The following TNRC18 variants were observed in gnomAD, a reference collection of about 807,000 sequenced individuals.
TNRC18 encodes trinucleotide repeat containing 18.
A neutral mutation model predicts 226.7 loss-of-function variants in TNRC18; 69 were observed. That is an observed-to-expected ratio of 0.30 (90% CI 0.25 to 0.37). TNRC18 has a LOEUF of 0.37. TNRC18 is among the 10% of genes least tolerant of loss of function. The pLI is 1.00. For synonymous variants in TNRC18, 2,449 were observed against 1,927.6 expected (o/e 1.27, Z -7.09); for missense variants, 4,754 against 4,256.6 (o/e 1.12, Z -3.25).
intron 18 of TNRC18, among the ~76,000 whole-genome samples, chr7:5,339,728 T>C (rs992973237): frequency 6.6e-5 from 10 of 151,362 alleles, no homozygotes; most frequent in East Asian, 2.0e-4. Context: ...CGCCACCACA[T>C]CTGGATAATT....
At chr7:5,344,730 C>A (rs1361218115) in intron 18 of TNRC18, among the ~76,000 whole-genome samples, 1 of 152,170 alleles carries the variant, frequency 6.6e-6, no homozygotes, top group Non-Finnish European at 1.5e-5. Flanking sequence ...GCCAGGGGAA[C>A]TCAGAGCCTG....
chr7:5,389,158 CT>C lies in TNRC18; in HGVS notation c.665del (p.Lys222ArgfsTer20). 1 of 1,327,516 alleles carries C rather than the reference CT, an allele frequency of 7.5e-7. No homozygotes were observed. 82.2% of individuals were successfully genotyped at this position (1,327,516 alleles called of 1,614,324 possible). The part of the protein sequence containing the change: ...RGGEPPPLFG[K>X]KDPRARGEEA... ...CCTCGCCCCGGGCGCGCGGGTCCTT[CT>C]TGCCGAAAAGCGGAGGCGGCTCCCC... On this transcript the variant is annotated frameshift_variant, in exon 5 of 30. Coordinates refer to ENST00000430969, the MANE Select transcript of TNRC18 (RefSeq NM_001080495.3). LOFTEE classifies it high-confidence loss of function.
At chr7:5,399,746 G>A (rs752666683) in intron 2 of TNRC18, among the ~76,000 whole-genome samples, 4 of 151,378 alleles carry the variant, frequency 2.6e-5, no homozygotes, top group Non-Finnish European at 4.4e-5. Context: ...CAGCCGGCAC[G>A]ATGGCTCACA....
rs1198778116 is a variant in TNRC18, at chr7:5,421,101, G to A, written c.146C>T (p.Pro49Leu). The A allele has an allele frequency of 1.4e-6, 2 of 1,475,946 alleles. No homozygotes were observed. Among genetic ancestry groups the A allele is most frequent in the Non-Finnish European group, 1.8e-6 (2 of 1,104,516 alleles). 91.4% of individuals were successfully genotyped at this position (1,475,946 alleles called of 1,614,324 possible). ...PASGLPGPLP[P>L]GKYMAGLNLH... is the part of the protein sequence containing the mutation. ...ATTCAGGCCGGCCATGTACTTCCCG[G>A]GCGGCAGCGGGCCGGGCAAGCCCGA... The change falls in exon 2 of 30, where the codon CCC (proline) becomes CTC (leucine). Residue 49 changes from proline to leucine, a missense_variant. Physicochemically the swap from Pro to Leu is moderately conservative, Grantham distance 98. Transcript: ENST00000430969.
At chr7:5,353,505 G>A (rs766163253) in intron 16 of TNRC18, among the ~76,000 whole-genome samples, 13 of 147,482 alleles carry the variant, frequency 8.8e-5, no homozygotes, top group Non-Finnish European at 2.0e-4. Context: ...GTTGCAGTGC[G>A]GCCGAGATCA....
rs770094847 is a variant in TNRC18, at chr7:5,345,708, G to A, written c.5573C>T (p.Pro1858Leu). The change falls in exon 18 of 30, where the codon CCG becomes CTG. Residue 1858 changes from proline to leucine, a missense_variant. Physicochemically the swap from Pro to Leu is moderately conservative, Grantham distance 98. Transcript: ENST00000430969. ...RLGARERALS[P>L]GLEESGLGLL... ...GCCCAGCCCACTCTCCTCCAGGCCC[G>A]GTGACAGGGCCCGCTCCCGGGCACC... 6.1e-5 allele frequency: 95 copies of A among 1,548,858 alleles called. No individual in the cohort carries two copies. Among genetic ancestry groups the A allele is most frequent in the East Asian group, 4.9e-5 (2 of 40,876 alleles).
In TNRC18 at chr7:5,345,517, G is replaced by GGGGGGGGGGGGGCCCCCCCCCC; in HGVS notation, c.5719+44_5719+45insGGGGGGGGGGCCCCCCCCCCCC. 1.1e-5 allele frequency: 4 copies of GGGGGGGGGGGGGCCCCCCCCCC among 377,744 alleles called. 1 individual carries two copies. The highest frequency in any genetic ancestry group is 9.7e-6 in the Non-Finnish European group (2 of 207,166). The allele number at this position is 377,744 out of a possible 1,614,324, so 23.4% of individuals were successfully genotyped here. A position where few individuals can be genotyped will look rare whatever the true frequency, so the allele number is the denominator to read the frequency against. On this transcript the variant is annotated intron_variant, in intron 18 of 29. Coordinates refer to ENST00000430969, the MANE Select transcript of TNRC18 (RefSeq NM_001080495.3). ...CCTGTGGGATGGGGCAATGGCGTCC[G>GGGGGGGGGGGGGCCCCCCCCCC]CCCCTCCCACCCACCCCCACCGCAG...
chr7:5,317,799 AG>A (rs1360636178), intron 24 of TNRC18, among the ~76,000 whole-genome samples: 1 of 151,152 alleles, frequency 6.6e-6, no homozygotes, highest in Non-Finnish European at 1.5e-5. Flanking sequence ...TCGACCACCC[AG>A]GCTCAGGTGA....
rs1164056409 is a variant in TNRC18, at chr7:5,351,823, G to A, written c.5466C>T (p.Asp1822=). The A allele has an allele frequency of 6.3e-7, 1 of 1,585,064 alleles. No individual in the cohort carries two copies. Among genetic ancestry groups the A allele is most frequent in the Non-Finnish European group, 8.6e-7 (1 of 1,166,374 alleles). Residue 1822 remains aspartate, a synonymous_variant, in exon 17 of 30, where the codon GAC becomes GAT. Coordinates refer to ENST00000430969, the MANE Select transcript of TNRC18 (RefSeq NM_001080495.3). ...SFSDSSEESF[D]QDESSEEEDE... is the part of the protein sequence containing the mutation. The stretch of plus-strand genomic sequence containing the variant: ...TTTGTGTTTGGAGCTAGTAACCTTG[G>A]TCAAACGATTCCTCCGAAGAGTCGC...
At chr7:5,318,527 C>T (rs1161469368) in intron 24 of TNRC18, among the ~76,000 whole-genome samples, 3 of 152,058 alleles carry the variant, frequency 2.0e-5, no homozygotes, top group Non-Finnish European at 4.4e-5. Context: ...AGTTGTGCTA[C>T]AAGTAGAGCT....
rs1462551981 is a variant in TNRC18 at position 5,423,661 on chromosome 7, C to G, written c.-464G>C. 1.3e-5 allele frequency: 2 copies of G among 151,948 alleles called. No homozygotes were observed. The highest frequency in any genetic ancestry group is 4.8e-5 in the African/African-American group (2 of 41,384). The allele number at this position is 151,948 out of a possible 1,614,324, so 9.4% of individuals were successfully genotyped here. ...CGGCGCGCCAACTCCTCCGCCCTCC[C>G]GCGGCCCGGCTCCCGCAGCCCCCGG... On this transcript the variant is annotated 5_prime_UTR_variant, in exon 1 of 30. Transcript: ENST00000430969.
intron 2 of TNRC18, among the ~76,000 whole-genome samples, chr7:5,399,412 G>C (rs117837085): frequency 6.6e-6 from 1 of 152,144 alleles, no homozygotes; most frequent in African/African-American, 2.4e-5. Flanking sequence ...ACCAATGACC[G>C]TCAAAACCTA....
chr7:5,325,304 C>A (rs1562494431), intron 19 of TNRC18, 56 bp from the exon 20 acceptor site: 1 of 1,524,100 alleles, frequency 6.6e-7, no homozygotes, highest in Non-Finnish European at 8.8e-7. Flanking sequence ...GCACAGGCAG[C>A]ACCCCTGTCC....
At chr7:5,335,821 G>A (rs1790040909) in intron 18 of TNRC18, among the ~76,000 whole-genome samples, 1 of 130,098 alleles carries the variant, frequency 7.7e-6, no homozygotes, top group Non-Finnish European at 1.6e-5. Context: ...AAACAAAGGA[G>A]ATCATATTCA....
At chr7:5,398,618 C>CATAAATGTGATTTCCAATG (rs1437560750) in intron 2 of TNRC18, among the ~76,000 whole-genome samples, 1 of 149,558 alleles carries the variant, frequency 6.7e-6, no homozygotes, top group Non-Finnish European at 1.5e-5. Flanking sequence ...CGTGCCCGGC[C>CATAAATGTGATTTCCAATG]TCTTTTCTTT....
chr7:5,389,111 A>T lies in TNRC18; in HGVS notation c.713T>A (p.Val238Glu), dbSNP rs1780070187. The T allele has an allele frequency of 7.6e-7, 1 of 1,316,074 alleles. No individual in the cohort carries two copies. Among genetic ancestry groups the T allele is most frequent in the Non-Finnish European group, 9.7e-7 (1 of 1,031,434 alleles). 81.5% of individuals were successfully genotyped at this position (1,316,074 alleles called of 1,614,324 possible). A position where few individuals can be genotyped will look rare whatever the true frequency, so the allele number is the denominator to read the frequency against. The change falls in exon 5 of 30, where the codon GTG (valine) becomes GAG (glutamate). Residue 238 changes from valine to glutamate, a missense_variant. Coordinates refer to ENST00000430969, the MANE Select transcript of TNRC18 (RefSeq NM_001080495.3). ...GCGCGCCTCCTGGGTCAGGTCCACC[A>T]CGCCCCGTGGCCCCGAGGCCTCCTC... is the stretch of plus-strand genomic sequence containing the variant. ...RGEEASGPRG[V>E]VDLTQEARAE... is the part of the protein sequence containing the mutation.
At chr7:5,338,142 G>A (rs1461573186) in intron 18 of TNRC18, among the ~76,000 whole-genome samples, 1 of 152,122 alleles carries the variant, frequency 6.6e-6, no homozygotes, top group East Asian at 1.9e-4. Flanking sequence ...GTAAGTGGAT[G>A]TAAAAAGGAA....
intron 18 of TNRC18, among the ~76,000 whole-genome samples, chr7:5,344,472 G>T (rs1024444459): frequency 1.3e-5 from 2 of 152,190 alleles, no homozygotes; most frequent in African/African-American, 4.8e-5. Context: ...TGAGAGCGAG[G>T]AGGGGGAAGG....
In TNRC18 at chr7:5,356,765, A is replaced by G. The variant is rs1446171350; in HGVS notation, c.5194+151T>C. On this transcript the variant is annotated intron_variant, in intron 16 of 29. Coordinates refer to ENST00000430969, the MANE Select transcript of TNRC18 (RefSeq NM_001080495.3). ...CCCCCCCACTTCCGGCTTGGAGGCC[A>G]TGCCAAGCTCAGGCACTGTAGTGCG... The G allele has an allele frequency of 3.5e-6, 4 of 1,141,748 alleles. No homozygotes were observed. The African/African-American group carries it at 4.7e-5, about 13-fold the overall frequency. The allele number at this position is 1,141,748 out of a possible 1,614,324, so 70.7% of individuals were successfully genotyped here. A position where few individuals can be genotyped will look rare whatever the true frequency, so the allele number is the denominator to read the frequency against.
Sources: gnomAD v4.1 joint callset for allele counts (sites outside exome capture counted in the v4.1 genomes callset) on GRCh38, gnomAD v4.1.1 for gene constraint, MANE v1.5 for transcripts, NCBI Gene and HGNC (gene_info 2026-07-23, HGNC 2026-07-21) for gene names.